The following MAGI1 variants were observed in gnomAD, a reference collection of about 807,000 sequenced individuals.
MAGI1 encodes membrane associated guanylate kinase, WW and PDZ domain containing 1, also known as membrane-associated guanylate kinase, WW and PDZ domain-containing protein 1.
MAGI1 carries 58 observed loss-of-function variants against 139.9 expected under a neutral mutation model. The observed-to-expected ratio is 0.41, with a 90% confidence interval of 0.34 to 0.52. MAGI1 has a LOEUF of 0.52. Ranked by LOEUF, MAGI1 falls within the 20% of genes least tolerant of loss-of-function variation. The pLI, the probability that MAGI1 is intolerant of heterozygous loss-of-function variation, is 0.12. For missense variants in MAGI1, 1,874 were observed against 1,901.6 expected (o/e 0.99, Z 0.27); for synonymous variants, 812 against 737.9 (o/e 1.10, Z -1.63).
chr3:65,974,399 G>GTGGCTGGA (rs1553741434), intron 1 of MAGI1, among the ~76,000 whole-genome samples: 1 of 5,196 alleles, frequency 1.9e-4, no homozygotes, highest in Non-Finnish European at 1.0e-3. Context: ...GGGTGGATGG[G>GTGGCTGGA]TGGATGGGTG....
At chr3:65,633,837 T>G (rs9828928) in intron 1 of MAGI1, among the ~76,000 whole-genome samples, 15,410 of 152,206 alleles carry the variant, frequency 0.1, 1,914 homozygotes, top group African/African-American at 0.3. Flanking sequence ...CATGCCCTCG[T>G]AAACAGCTGC....
chr3:65,566,518 C>A (rs1407890159), intron 2 of MAGI1, among the ~76,000 whole-genome samples: 1 of 152,082 alleles, frequency 6.6e-6, no homozygotes, highest in East Asian at 1.9e-4. Flanking sequence ...GCATATACCT[C>A]CCACTAATAA....
intron 1 of MAGI1, among the ~76,000 whole-genome samples, chr3:66,031,605 C>T (rs561124533): frequency 4.6e-5 from 7 of 152,014 alleles, no homozygotes; most frequent in African/African-American, 1.7e-4. Context: ...TACAGTGTTC[C>T]ACAGTGTAAC....
intron 1 of MAGI1, among the ~76,000 whole-genome samples, chr3:65,650,429 A>G (rs372965958): frequency 1.8e-4 from 28 of 152,312 alleles, no homozygotes; most frequent in East Asian, 5.8e-4. Context: ...TGGCACATCC[A>G]TATCATGGAA....
At chr3:65,888,790 A>G (rs1440702968) in intron 1 of MAGI1, among the ~76,000 whole-genome samples, 1 of 152,188 alleles carries the variant, frequency 6.6e-6, no homozygotes, top group African/African-American at 2.4e-5. Flanking sequence ...TTCCAATTCA[A>G]TGCTCCCAAA....
In MAGI1 at chr3:65,671,215, C is replaced by T. The variant is rs75732201; in HGVS notation, c.314-49127G>A. 5.2e-3 allele frequency among the ~76,000 whole-genome samples: 786 copies of T among 152,226 alleles called. 4 individuals are homozygous for T. The highest frequency in any genetic ancestry group is 0.018 in the African/African-American group (739 of 41,534). On this transcript the variant is annotated intron_variant, in intron 1 of 22. Transcript: ENST00000402939. ...AGCTGGTAAGAGCTAAAATTTGAACCGGGATTTGGCACTCTAGAGCCAATG... is the reference window on the plus strand; with the variant it reads ...AGCTGGTAAGAGCTAAAATTTGAACTGGGATTTGGCACTCTAGAGCCAATG...
intron 2 of MAGI1, among the ~76,000 whole-genome samples, chr3:65,570,418 T>TAAA (rs60986885): frequency 0.02 from 2,701 of 138,144 alleles, 73 homozygotes; most frequent in African/African-American, 0.063. Context: ...CAATACTTCA[T>TAAA]AAAAAAAAAA....
intron 1 of MAGI1, among the ~76,000 whole-genome samples, chr3:65,648,306 TGTGTGTGTGTGC>T (rs2085386525): frequency 6.7e-6 from 1 of 150,104 alleles, no homozygotes; most frequent in South Asian, 2.1e-4. Flanking sequence ...TGTGTGTGTG[TGTGTGTGTGTGC>T]GCGTGCGCGT....
At chr3:65,517,334 G>A (rs2077952410) in intron 2 of MAGI1, among the ~76,000 whole-genome samples, 1 of 152,216 alleles carries the variant, frequency 6.6e-6, no homozygotes, top group Middle Eastern at 3.4e-3. Flanking sequence ...CTTCCTAATG[G>A]CTTACTGTAA....
chr3:65,413,592 G>A (rs374903915), intron 12 of MAGI1, among the ~76,000 whole-genome samples: 1 of 152,134 alleles, frequency 6.6e-6, no homozygotes, highest in Non-Finnish European at 1.5e-5. Context: ...GTGACTTAGA[G>A]GGAAAAAAGC....
At chr3:65,520,168 G>A (rs1157098587) in intron 2 of MAGI1, among the ~76,000 whole-genome samples, 1 of 152,174 alleles carries the variant, frequency 6.6e-6, no homozygotes, top group African/African-American at 2.4e-5. Flanking sequence ...ATCCCGCTGA[G>A]CCCTAGTCAA....
intron 2 of MAGI1, among the ~76,000 whole-genome samples, chr3:65,566,504 A>G (rs961573003): frequency 2.6e-5 from 4 of 152,122 alleles, no homozygotes; most frequent in African/African-American, 7.2e-5. Context: ...AGCAAAAGCA[A>G]AAAGCATATA....
intron 13 of MAGI1, among the ~76,000 whole-genome samples, chr3:65,398,046 C>T (rs1944532523): frequency 1.3e-5 from 2 of 151,830 alleles, no homozygotes; most frequent in South Asian, 2.1e-4. Flanking sequence ...AATCAATACA[C>T]GGTTTGTTTG....
chr3:65,984,095 A>G (rs942664908), intron 1 of MAGI1, among the ~76,000 whole-genome samples: 1 of 152,180 alleles, frequency 6.6e-6, no homozygotes, highest in Non-Finnish European at 1.5e-5. Flanking sequence ...GGAGTTCAAG[A>G]CCAGCTTGGC....
intron 5 of MAGI1, among the ~76,000 whole-genome samples, chr3:65,463,558 A>ATATGTGTGTGTGTGTGTGTGTGTG (rs1491281941): frequency 7.1e-6 from 1 of 140,748 alleles, no homozygotes; most frequent in African/African-American, 2.7e-5. Flanking sequence ...TTGGCCTGAA[A>ATATGTGTGTGTGTGTGTGTGTGTG]TGTGTGTGTG....
At chr3:65,926,898 G>C (rs556145780) in intron 1 of MAGI1, among the ~76,000 whole-genome samples, 1 of 152,140 alleles carries the variant, frequency 6.6e-6, no homozygotes, top group East Asian at 1.9e-4. Flanking sequence ...AAGAGGCTGA[G>C]GCAGAAGAAT....
intron 2 of MAGI1, among the ~76,000 whole-genome samples, chr3:65,591,910 A>C (rs2081981083): frequency 6.6e-6 from 1 of 152,072 alleles, no homozygotes; most frequent in Admixed American, 6.6e-5. Context: ...TGAAAACTCT[A>C]TTTAAAAACT....
rs141306692 is a variant in MAGI1 at position 65,379,494 on chromosome 3, G to A, written c.2762C>T (p.Pro921Leu). 233 of 1,613,918 alleles carry A rather than the reference G, an allele frequency of 1.4e-4. No homozygotes were observed. The highest frequency in any genetic ancestry group is 1.8e-4 in the Non-Finnish European group (215 of 1,179,896). The change falls in exon 17 of 23, where the codon CCG (proline) becomes CTG (leucine). Residue 921 changes from proline (P) to leucine (L), a missense_variant. Physicochemically the swap from Pro to Leu is moderately conservative, Grantham distance 98. Around this residue, in one of 5 missense-constraint regions of MAGI1, gnomAD observed 482 missense variants for 509.6 expected, o/e 0.95. Coordinates refer to ENST00000402939, the MANE Select transcript of MAGI1 (RefSeq NM_001033057.2). ...GCGCTTCTCTTCTGTCAGCGAGGCC[G>A]GCTGGTTGCTACTGTGATGAGAGGA... Reference protein sequence around the residue: ...PASSHHSSNQPASLTEEKRTP... With the variant: ...PASSHHSSNQLASLTEEKRTP...
intron 1 of MAGI1, among the ~76,000 whole-genome samples, chr3:65,719,457 ACT>A (rs915864065): frequency 2.0e-5 from 3 of 151,890 alleles, no homozygotes; most frequent in East Asian, 1.9e-4. Context: ...CATTGTGAAC[ACT>A]GTTATATATA....
Sources: gnomAD v4.1 joint callset for allele counts (sites outside exome capture counted in the v4.1 genomes callset) on GRCh38, gnomAD v4.1.1 for gene constraint, gnomAD v4.1.1 regional missense constraint, MANE v1.5 for transcripts, NCBI Gene and HGNC (gene_info 2026-07-23, HGNC 2026-07-21) for gene names.